Variants in PAMR1 observed in about 807,000 individuals in gnomAD.
The protein encoded by PAMR1 is peptidase domain containing associated with muscle regeneration 1.
Under a neutral mutation model 81.8 loss-of-function variants are expected in PAMR1, and 88 were observed. The observed-to-expected ratio is 1.08, with a 90% CI of 0.91 to 1.28. PAMR1 has a LOEUF of 1.28. Among genes scored for constraint, PAMR1 ranks in the 50% most tolerant of loss-of-function variants. The pLI is 0.00. For missense variants in PAMR1, 935 were observed against 919.7 expected, an observed-to-expected ratio of 1.02 and a Z score of -0.21; for synonymous variants, 336 against 345.3, an observed-to-expected ratio of 0.97 and a Z score of 0.30.
At chr11:35,505,476 T>A (rs573042988) in intron 1 of PAMR1, among the ~76,000 whole-genome samples, 1 of 152,270 alleles carries the variant, frequency 6.6e-6, no homozygotes, top group Admixed American at 6.5e-5. Context: ...AGTCTAACTC[T>A]CCCTTTAGAT....
In PAMR1 at chr11:35,434,764, T is replaced by C. The variant is rs777770027; in HGVS notation, c.1374A>G (p.Gln458=). The change falls in exon 10 of 11, where the codon CAA becomes CAG. Residue 458 remains glutamine, a synonymous_variant. Transcript: ENST00000619888. The part of the protein sequence containing the change: ...KIENITAPKT[Q]GLRWPWQAAI... The stretch of plus-strand genomic sequence containing the variant: ...CTGCCTGCCACGGCCAGCGCAACCC[T>C]TGGGTCTTTGGAGCAGTGATGTTCT... The C allele has an allele frequency of 1.9e-5, 31 of 1,614,064 alleles. No homozygotes were observed. The highest frequency in any genetic ancestry group is 2.3e-5 in the Non-Finnish European group (27 of 1,179,990).
At chr11:35,503,925 A>C (rs599506) in intron 1 of PAMR1, among the ~76,000 whole-genome samples, 46,161 of 151,898 alleles carry the variant, frequency 0.3, 7,042 homozygotes, top group East Asian at 0.35. Context: ...AAAGTGGTGA[A>C]AGTGGGCATC....
At chr11:35,506,476 G>A (rs1228635879) in intron 1 of PAMR1, among the ~76,000 whole-genome samples, 1 of 144,840 alleles carries the variant, frequency 6.9e-6, no homozygotes, top group Non-Finnish European at 1.5e-5. Flanking sequence ...AGCATTTCTT[G>A]TAAGATGGGT....
At chr11:35,515,465 A>G (rs1250878960) in intron 1 of PAMR1, among the ~76,000 whole-genome samples, 2 of 152,216 alleles carry the variant, frequency 1.3e-5, no homozygotes, top group East Asian at 3.8e-4. Context: ...GCTAGTCCTT[A>G]TTATAGTTAC....
chr11:35,455,702 C>A (rs1268230873), intron 6 of PAMR1, among the ~76,000 whole-genome samples: 6 of 152,104 alleles, frequency 3.9e-5, no homozygotes, highest in Admixed American at 2.0e-4. Flanking sequence ...TGATTTGATT[C>A]ATTTTCTTAG....
chr11:35,442,625 A>AT (rs1856198252), intron 6 of PAMR1, among the ~76,000 whole-genome samples: 1 of 146,308 alleles, frequency 6.8e-6, no homozygotes, highest in Non-Finnish European at 1.5e-5. Context: ...TTATTTATTT[A>AT]TTTTGAGACA....
intron 1 of PAMR1, among the ~76,000 whole-genome samples, chr11:35,514,752 C>G (rs1189865046): frequency 6.6e-6 from 1 of 152,158 alleles, no homozygotes; most frequent in Non-Finnish European, 1.5e-5. Context: ...TTTGGGAGGC[C>G]GTGGTGGGGA....
chr11:35,457,004 A>G (rs1349421721), intron 6 of PAMR1, among the ~76,000 whole-genome samples: 1 of 152,180 alleles, frequency 6.6e-6, no homozygotes, highest in African/African-American at 2.4e-5. Context: ...GTTAGTCAGC[A>G]TTGATCAAAG....
At chr11:35,445,500 G>A (rs1856271176) in intron 6 of PAMR1, among the ~76,000 whole-genome samples, 1 of 152,082 alleles carries the variant, frequency 6.6e-6, no homozygotes, top group Non-Finnish European at 1.5e-5. Context: ...CTTTTATTTT[G>A]AGGTATGTTC....
intron 6 of PAMR1, among the ~76,000 whole-genome samples, chr11:35,443,948 T>A (rs1410375744): frequency 1.3e-5 from 2 of 152,258 alleles, no homozygotes; most frequent in Non-Finnish European, 2.9e-5. Context: ...TCTCTAATGA[T>A]CAGTGATGTT....
intron 6 of PAMR1, among the ~76,000 whole-genome samples, chr11:35,442,279 G>A (rs979379697): frequency 6.6e-6 from 1 of 152,146 alleles, no homozygotes; most frequent in Non-Finnish European, 1.5e-5. Flanking sequence ...AATTTCCCTT[G>A]ATCTCCAAAT....
chr11:35,443,008 G>A (rs1157694485), intron 6 of PAMR1, among the ~76,000 whole-genome samples: 2 of 151,904 alleles, frequency 1.3e-5, no homozygotes, highest in Non-Finnish European at 2.9e-5. Context: ...TGAGCTTTGG[G>A]GTACAATTGA....
intron 3 of PAMR1, among the ~76,000 whole-genome samples, chr11:35,479,025 C>T (rs1025791737): frequency 2.0e-5 from 3 of 152,068 alleles, no homozygotes; most frequent in African/African-American, 7.2e-5. Context: ...AATTTCTAGA[C>T]CAGTAAGACA....
chr11:35,519,147 G>A (rs1289287625), intron 1 of PAMR1, among the ~76,000 whole-genome samples: 1 of 152,120 alleles, frequency 6.6e-6, no homozygotes, highest in African/African-American at 2.4e-5. Context: ...CAGCCAAGGG[G>A]GCCACTTCTT....
At chr11:35,524,717 C>T (rs1851352900) in intron 1 of PAMR1, among the ~76,000 whole-genome samples, 1 of 152,184 alleles carries the variant, frequency 6.6e-6, no homozygotes, top group Non-Finnish European at 1.5e-5. Flanking sequence ...GTTCCCACTT[C>T]CCCGCCTGCC....
chr11:35,447,508 C>G (rs1159005140), intron 6 of PAMR1, among the ~76,000 whole-genome samples: 1 of 152,138 alleles, frequency 6.6e-6, no homozygotes, highest in African/African-American at 2.4e-5. Flanking sequence ...TGGCCTTCCT[C>G]CATCCTTTTA....
At chr11:35,510,916 T>C (rs916553631) in intron 1 of PAMR1, among the ~76,000 whole-genome samples, 3 of 152,232 alleles carry the variant, frequency 2.0e-5, no homozygotes, top group Non-Finnish European at 2.9e-5. Flanking sequence ...TCCATGGTTA[T>C]GGGCAGCCAT....
chr11:35,481,003 C>T (rs576102406), intron 3 of PAMR1, among the ~76,000 whole-genome samples: 35 of 152,274 alleles, frequency 2.3e-4, no homozygotes, highest in African/African-American at 8.2e-4. Flanking sequence ...TGGCTTCCAG[C>T]TTCATCCAGG....
intron 3 of PAMR1, among the ~76,000 whole-genome samples, chr11:35,481,320 C>G (rs1191312426): frequency 1.3e-5 from 2 of 152,154 alleles, no homozygotes; most frequent in Admixed American, 1.3e-4. Context: ...ACATTCCCAC[C>G]AACAGTTTAA....
Sources: allele counts gnomAD v4.1 joint callset (sites outside exome capture counted in the v4.1 genomes callset), GRCh38; gene constraint gnomAD v4.1.1; transcripts MANE v1.5; gene names NCBI Gene and HGNC (gene_info 2026-07-23, HGNC 2026-07-21).